TECTA: variants seen among roughly 807,000 people sequenced by gnomAD.
The protein encoded by TECTA is alpha-tectorin.
Under a neutral mutation model 216.8 loss-of-function variants are expected in TECTA, and 128 were observed. The observed-to-expected ratio is 0.59, with a 90% confidence interval of 0.51 to 0.68. The LOEUF is 0.68. TECTA is among the 30% of genes least tolerant of loss of function. The pLI, the probability that TECTA is intolerant of heterozygous loss-of-function variation, is 0.00. For missense variants in TECTA, 2,551 were observed against 2,786.2 expected (o/e 0.92, Z 1.90); for synonymous variants, 1,089 against 1,117.1 (o/e 0.97, Z 0.50).
chr11:121,165,824 C>T lies in TECTA; in HGVS notation c.5383+441C>T, dbSNP rs564816611. Among the ~76,000 whole-genome samples the T allele has an allele frequency of 2.0e-5, 3 of 152,324 alleles. No homozygotes were observed. In the South Asian group the frequency reaches 6.2e-4, roughly 32 times the overall value. On this transcript the variant is annotated intron_variant, in intron 17 of 23. Coordinates refer to ENST00000392793, the MANE Select transcript of TECTA (RefSeq NM_005422.4). ...CTAGGACTCCAGGACTTGTTCCTAA[C>T]TGTAGCTCCCTTGGTGTGGAAATGG...
chr11:121,101,316 G>C lies in TECTA; in HGVS notation c.-128G>C, dbSNP rs1336853811. ...GTACGAGATTCAGACATTATTTCAGGAATCAGAAATTATTGGCAACAAGTT... is the reference window on the plus strand; with the variant it reads ...GTACGAGATTCAGACATTATTTCAGCAATCAGAAATTATTGGCAACAAGTT... On this transcript the variant is annotated 5_prime_UTR_variant, in exon 1 of 24. Coordinates refer to ENST00000392793, the MANE Select transcript of TECTA (RefSeq NM_005422.4). The C allele has an allele frequency of 6.6e-6, 1 of 152,088 alleles. No individual in the cohort carries two copies. Among genetic ancestry groups the C allele is most frequent in the African/African-American group, 2.4e-5 (1 of 41,400 alleles). 9.4% of individuals were successfully genotyped at this position (152,088 alleles called of 1,614,324 possible).
At chr11:121,124,607 C>G (rs1448535115) in intron 7 of TECTA, among the ~76,000 whole-genome samples, 2 of 152,232 alleles carry the variant, frequency 1.3e-5, no homozygotes, top group Non-Finnish European at 2.9e-5. Context: ...AGTATCGATG[C>G]ATGTCCCTCT....
chr11:121,113,274 A>G lies in TECTA; in HGVS notation c.624+65A>G, dbSNP rs1946460560. On this transcript the variant is annotated intron_variant, in intron 5 of 23. Coordinates refer to ENST00000392793, the MANE Select transcript of TECTA (RefSeq NM_005422.4). The surrounding 1 kb of genome is among the most constrained non-coding windows in gnomAD (Gnocchi z 4.2). ...GCTGCACTCTCTGCTTCTGTGGCTC[A>G]GCATCCTGGAGGGAATCCTGCCACC... 1.6e-5 allele frequency: 26 copies of G among 1,610,862 alleles called. No homozygotes were observed. Among genetic ancestry groups the G allele is most frequent in the Non-Finnish European group, 2.2e-5 (26 of 1,179,588 alleles).
In TECTA at chr11:121,187,743, G is replaced by A. The variant is rs1343319031; in HGVS notation, c.6000-89G>A. On this transcript the variant is annotated intron_variant, in intron 20 of 23. Transcript: ENST00000392793. ...TTTCTGCCATTTATGGTGGTTTTAT[G>A]TGAAAAGTGAAATTTTGAACTGAAG... 217 of 1,483,714 alleles carry A rather than the reference G, an allele frequency of 1.5e-4. 2 individuals are homozygous for A. The South Asian group carries it at 2.3e-3, about 16-fold the overall frequency. 91.9% of individuals were successfully genotyped at this position (1,483,714 alleles called of 1,614,324 possible). A position where few individuals can be genotyped will look rare whatever the true frequency, so the allele number is the denominator to read the frequency against.
intron 11 of TECTA, among the ~76,000 whole-genome samples, chr11:121,145,067 G>A (rs1453491164): frequency 2.0e-5 from 3 of 152,148 alleles, no homozygotes; most frequent in African/African-American, 7.2e-5. Flanking sequence ...AGGATGAGAG[G>A]GATGTTGATG....
At chr11:121,174,328 A>T (rs1310529) in intron 20 of TECTA, among the ~76,000 whole-genome samples, 68,617 of 147,526 alleles carry the variant, frequency 0.47, 19,195 homozygotes, top group African/African-American at 0.8. Flanking sequence ...GCTGTGGGTT[A>T]GTCATAGATA....
At chr11:121,177,471 T>C (rs1310521) in intron 20 of TECTA, among the ~76,000 whole-genome samples, 69,309 of 152,100 alleles carry the variant, frequency 0.46, 18,315 homozygotes, top group African/African-American at 0.74. Flanking sequence ...GTACCAGCAG[T>C]GGTGGCTGCA....
intron 3 of TECTA, among the ~76,000 whole-genome samples, chr11:121,106,709 A>G (rs1264731229): frequency 1.3e-5 from 2 of 152,194 alleles, no homozygotes; most frequent in African/African-American, 4.8e-5. Context: ...AACCCTAAGC[A>G]TGTCCACCTC....
chr11:121,159,462 G>T (rs1038812612), intron 14 of TECTA, among the ~76,000 whole-genome samples: 3 of 152,184 alleles, frequency 2.0e-5, no homozygotes, highest in African/African-American at 7.2e-5. Context: ...AGGTATAAAA[G>T]CTACTAATAG....
chr11:121,153,003 G>T lies in TECTA; in HGVS notation c.4228G>T (p.Ala1410Ser), dbSNP rs756272161. The change falls in exon 13 of 24, where the codon GCT (alanine) becomes TCT (serine). Residue 1410 changes from alanine to serine, a missense_variant. By Grantham distance (99) the Ala-to-Ser change is moderately conservative. Transcript: ENST00000392793. ...HYCVEGCHCD[A>S]GYVLNGKSCI... ...CTGCGTGGAGGGCTGTCACTGCGAC[G>T]CTGGCTACGTCCTCAACGGCAAGAG... 1 of 1,614,170 alleles carries T rather than the reference G, an allele frequency of 6.2e-7. No homozygotes were observed. Among genetic ancestry groups the T allele is most frequent in the South Asian group, 1.1e-5 (1 of 91,088 alleles).
In TECTA at chr11:121,146,072, C is replaced by T. The variant is rs148440178; in HGVS notation, c.4061C>T (p.Thr1354Ile). Residue 1354 changes from threonine to isoleucine, a missense_variant, in exon 12 of 24, where the codon ACT (threonine) becomes ATT (isoleucine). Physicochemically the swap from Thr to Ile is moderately conservative, Grantham distance 89 (BLOSUM62 -1). Around this residue, in one of 3 missense-constraint regions of TECTA, gnomAD observed 2,375 missense variants for 2,563.9 expected, o/e 0.93. Transcript: ENST00000392793. ...CAGAACTACGCCAGCACCTGCCAGACTCAGGGGATTACGGTGACTGGCTGG... is the reference window on the plus strand; with the variant it reads ...CAGAACTACGCCAGCACCTGCCAGATTCAGGGGATTACGGTGACTGGCTGG... ...WLQNYASTCQ[T>I]QGITVTGWRN... 7.0e-4 allele frequency: 1,135 copies of T among 1,612,832 alleles called. 33 individuals are homozygous for T. The East Asian group carries it at 0.025, about 36-fold the overall frequency.
At chr11:121,162,009 A>T (rs1947004504) in intron 15 of TECTA, 66 bp from the exon 16 acceptor site, 1 of 1,605,892 alleles carries the variant, frequency 6.2e-7, no homozygotes, top group Admixed American at 1.7e-5. Flanking sequence ...CAAAACAGGT[A>T]CAGATGCAAT....
chr11:121,156,092 A>G (rs1251798191), intron 13 of TECTA, among the ~76,000 whole-genome samples: 1 of 152,198 alleles, frequency 6.6e-6, no homozygotes, highest in East Asian at 1.9e-4. Context: ...TTGAGTGCCT[A>G]TCCTATGCCG....
intron 12 of TECTA, among the ~76,000 whole-genome samples, chr11:121,146,461 T>C (rs1452629735): frequency 6.6e-6 from 1 of 152,166 alleles, no homozygotes; most frequent in African/African-American, 2.4e-5. Flanking sequence ...AGTTACTAAG[T>C]TCAAGCACCT....
chr11:121,166,739 C>G lies in TECTA; in HGVS notation c.5545C>G (p.Gln1849Glu), dbSNP rs1468212110. 3 of 1,614,194 alleles carry G rather than the reference C, an allele frequency of 1.9e-6. No individual in the cohort carries two copies. Among genetic ancestry groups the G allele is most frequent in the South Asian group, 1.1e-5 (1 of 91,080 alleles). The change falls in exon 18 of 24, where the codon CAG becomes GAG. Residue 1849 changes from glutamine (Q) to glutamate (E), a missense_variant. Around this residue, in one of 3 missense-constraint regions of TECTA, gnomAD observed 2,375 missense variants for 2,563.9 expected, o/e 0.93. Coordinates refer to ENST00000392793, the MANE Select transcript of TECTA (RefSeq NM_005422.4). ...CGAGGGGGAAGATTTTATCTCCTTT[C>G]AGATCAACAACACCAAAGGGAATTG... is the stretch of plus-strand genomic sequence containing the variant. ...GIEGEDFISF[Q>E]INNTKGNCGN...
At chr11:121,108,561 T>TACAC (rs151017407) in intron 3 of TECTA, among the ~76,000 whole-genome samples, 5 of 130,656 alleles carry the variant, frequency 3.8e-5, no homozygotes, top group Non-Finnish European at 3.2e-5. Context: ...CCACCCCCAG[T>TACAC]ACACACACAC....
rs34807486 is a variant in TECTA at position 121,180,813 on chromosome 11, C to CTTT, written c.6000-7003_6000-7001dup. ...AGGATTTCTTCTTTCTTTCTTATTC[C>CTTT]TTTTTTTTTTTTTTTTTTGCCTGAC... On this transcript the variant is annotated intron_variant, in intron 20 of 23. Coordinates refer to ENST00000392793, the MANE Select transcript of TECTA (RefSeq NM_005422.4). Among the ~76,000 whole-genome samples, 491 of 119,964 alleles carry CTTT rather than the reference C, an allele frequency of 4.1e-3. 7 individuals carry two copies. The highest frequency in any genetic ancestry group is 0.015 in the East Asian group (61 of 3,982). The allele number at this position is 119,964 out of a possible 152,430, so 78.7% of individuals were successfully genotyped here. A position where few individuals can be genotyped will look rare whatever the true frequency, so the allele number is the denominator to read the frequency against.
chr11:121,168,883 G>A lies in TECTA; in HGVS notation c.5957G>A (p.Arg1986Gln), dbSNP rs775268522. ...TLNKCYATPT[R>Q]DSNDKLRYFI... is the part of the protein sequence containing the mutation. ...AACAAATGCTATGCCACACCCACCC[G>A]AGATAGCAATGATAAGCTCCGATAT... Residue 1986 changes from arginine (R) to glutamine (Q), a missense_variant, in exon 20 of 24, where the codon CGA (arginine) becomes CAA (glutamine). Arg to Gln is a conservative substitution (Grantham distance 43). Coordinates refer to ENST00000392793, the MANE Select transcript of TECTA (RefSeq NM_005422.4). The A allele has an allele frequency of 2.1e-5, 34 of 1,613,972 alleles. No homozygotes were observed. The highest frequency in any genetic ancestry group is 2.7e-5 in the Non-Finnish European group (32 of 1,180,004).
In TECTA at chr11:121,173,673, G is replaced by A. The variant is rs1947136381; in HGVS notation, c.5999+4748G>A. Among the ~76,000 whole-genome samples, 3 of 149,454 alleles carry A rather than the reference G, an allele frequency of 2.0e-5. No individual in the cohort carries two copies. In the South Asian group the frequency reaches 6.5e-4, roughly 32 times the overall value. ...GCTTAGGATTGACTTGGTGATGTGGGCTCTTTTTTGGTTCCATATGAACTT... is the reference window on the plus strand; with the variant it reads ...GCTTAGGATTGACTTGGTGATGTGGACTCTTTTTTGGTTCCATATGAACTT... On this transcript the variant is annotated intron_variant, in intron 20 of 23. Transcript: ENST00000392793.
Sources: gnomAD v4.1 joint callset for allele counts (sites outside exome capture counted in the v4.1 genomes callset) on GRCh38, gnomAD v4.1.1 for gene constraint, gnomAD v4.1.1 regional missense constraint, Gnocchi (gnomAD v3.1) non-coding constraint, MANE v1.5 for transcripts, NCBI Gene and HGNC (gene_info 2026-07-23, HGNC 2026-07-21) for gene names.